The following PCDHAC1 variants were observed in gnomAD, a reference collection of about 807,000 sequenced individuals.
PCDHAC1 encodes the protein protocadherin alpha subfamily C, 1.
Under a neutral mutation model 60.0 loss-of-function variants are expected in PCDHAC1, and 42 were observed. The observed-to-expected ratio is 0.70, with a 90% CI of 0.55 to 0.90. The LOEUF (loss-of-function observed/expected upper bound fraction) is 0.90, where lower values mean the gene tolerates loss of function less well. Among genes scored for constraint, PCDHAC1 ranks in the 40% least tolerant of loss-of-function variants. The probability of loss-of-function intolerance (pLI) is 0.00; values close to 1 mark genes in which losing one functional copy is unlikely to be tolerated. For missense variants in PCDHAC1, 1,160 were observed against 1,222.3 expected (o/e 0.95, Z 0.76); for synonymous variants, 468 against 499.3 (o/e 0.94, Z 0.84).
intron 3 of PCDHAC1, among the ~76,000 whole-genome samples, chr5:141,001,903 A>G (rs2098043091): frequency 6.6e-6 from 1 of 152,190 alleles, no homozygotes; most frequent in African/African-American, 2.4e-5. Flanking sequence ...GGGCTGTTTG[A>G]AAAAGACTGC....
intron 1 of PCDHAC1, chr5:140,966,696 G>A (rs2096039255): frequency 7.4e-7 from 1 of 1,358,662 alleles, no homozygotes. Flanking sequence ...GGCGGGGCCC[G>A]GGCGTGGGGC....
intron 1 of PCDHAC1, among the ~76,000 whole-genome samples, chr5:140,941,319 C>CTT (rs70988781): frequency 9.6e-6 from 1 of 104,394 alleles, no homozygotes; most frequent in African/African-American, 3.7e-5. Flanking sequence ...TCTTCTTTCT[C>CTT]TTTTTTTTTT....
chr5:141,004,708 A>G (rs955852492), intron 3 of PCDHAC1, among the ~76,000 whole-genome samples: 2 of 152,340 alleles, frequency 1.3e-5, no homozygotes, highest in South Asian at 4.1e-4. Flanking sequence ...TAGGTGCCGA[A>G]TCAGAGGTTT....
chr5:140,982,538 G>C lies in PCDHAC1; in HGVS notation c.2556G>C (p.Trp852Cys), dbSNP rs782094765. The change falls in exon 3 of 4, where the codon TGG becomes TGC. Residue 852 changes from tryptophan to cysteine, a missense_variant. Around this residue, in one of 3 missense-constraint regions of PCDHAC1, gnomAD observed 1,113 missense variants for 1,163.7 expected, o/e 0.96. Coordinates refer to ENST00000253807, the MANE Select transcript of PCDHAC1 (RefSeq NM_018898.5). ...GTCCAGGAGGGCCTGATCAGCAGTG[G>C]CCAACAGTATCCAGTGCAACACCAG... ...RAGPGGPDQQ[W>C]PTVSSATPEP... 1 of 1,614,166 alleles carries C rather than the reference G, an allele frequency of 6.2e-7. No individual in the cohort carries two copies.
intron 1 of PCDHAC1, chr5:140,966,941 G>C (rs1554228938): frequency 1.9e-6 from 3 of 1,604,498 alleles, no homozygotes; most frequent in Non-Finnish European, 2.5e-6. Context: ...CGCGCTCGTG[G>C]GCAACGTGGC....
chr5:140,927,706 C>G lies in PCDHAC1; in HGVS notation c.814C>G (p.Leu272Val), dbSNP rs1584519766. The G allele has an allele frequency of 1.2e-6, 2 of 1,614,108 alleles. No homozygotes were observed. Among genetic ancestry groups the G allele is most frequent in the African/African-American group, 2.7e-5 (2 of 74,940 alleles). ...EGSNGEVQYS[L>V]SNSTQAELRH... Reference sequence around the variant, plus strand: ...GTCCAATGGGGAAGTCCAGTACTCCCTAAGCAACAGCACGCAAGCAGAGCT... The same window carrying G: ...GTCCAATGGGGAAGTCCAGTACTCCGTAAGCAACAGCACGCAAGCAGAGCT... Residue 272 changes from leucine to valine, a missense_variant, in exon 1 of 4, where the codon CTA (leucine) becomes GTA (valine). By Grantham distance (32) the Leu-to-Val change is conservative. Around this residue, in one of 3 missense-constraint regions of PCDHAC1, gnomAD observed 1,113 missense variants for 1,163.7 expected, o/e 0.96. Coordinates refer to ENST00000253807, the MANE Select transcript of PCDHAC1 (RefSeq NM_018898.5).
rs562721543 is a variant in PCDHAC1, at chr5:140,968,426, A to G, written c.2434-10523A>G. ...CTTTGTGACTGTGGAGGCTCAGGAC[A>G]AGGGGAGCCCACCACTGAGCAGCAC... On this transcript the variant is annotated intron_variant, in intron 1 of 3. Transcript: ENST00000253807. 135 of 1,614,020 alleles carry G rather than the reference A, an allele frequency of 8.4e-5. 2 individuals carry two copies. In the South Asian group the frequency reaches 1.4e-3, roughly 16 times the overall value.
Position 140,928,252 on chromosome 5 carries a change from G to T in PCDHAC1, c.1360G>T (p.Val454Phe). The T allele has an allele frequency of 6.2e-7, 1 of 1,614,208 alleles. No homozygotes were observed. Among genetic ancestry groups the T allele is most frequent in the Non-Finnish European group, 8.5e-7 (1 of 1,180,044 alleles). ...TCCTCAACCCCAGCAGGAACTTTTCGTTGCTGAAAACAATGGCCCTGGGGC... is the reference window on the plus strand; with the variant it reads ...TCCTCAACCCCAGCAGGAACTTTTCTTTGCTGAAAACAATGGCCCTGGGGC... Reference protein sequence around the residue: ...NFPQPQQELFVAENNGPGASL... With the variant: ...NFPQPQQELFFAENNGPGASL... Residue 454 changes from valine (V) to phenylalanine (F), a missense_variant, in exon 1 of 4, where the codon GTT becomes TTT. This residue lies in a region of PCDHAC1 where 1,113 missense variants were observed against 1,163.7 expected (regional missense o/e 0.96). Coordinates refer to ENST00000253807, the MANE Select transcript of PCDHAC1 (RefSeq NM_018898.5).
chr5:140,947,975 A>C lies in PCDHAC1; in HGVS notation c.2433+18650A>C, dbSNP rs572156919. ...TTTTACAATTAAGTATGTGCTACTC[A>C]TAGGTTTTTCCCAAATACTTTATTA... On this transcript the variant is annotated intron_variant, in intron 1 of 3. Transcript: ENST00000253807. Among the ~76,000 whole-genome samples the C allele has an allele frequency of 2.7e-5, 4 of 150,726 alleles. No individual in the cohort carries two copies. In the East Asian group the frequency reaches 7.8e-4, roughly 29 times the overall value.
At chr5:140,930,582 T>C in intron 1 of PCDHAC1, 1 of 152,540 alleles carries the variant, frequency 6.6e-6, no homozygotes, top group East Asian at 1.9e-4. Flanking sequence ...GTATTACTTT[T>C]TGACTTCTCA....
intron 1 of PCDHAC1, among the ~76,000 whole-genome samples, chr5:140,975,450 G>T (rs1175028711): frequency 6.6e-6 from 1 of 152,174 alleles, no homozygotes. Context: ...AGGGATCTTG[G>T]GGCCATCTTG....
In PCDHAC1 at chr5:140,964,167, C is replaced by T. The variant is rs370784169; in HGVS notation, c.2434-14782C>T. Reference sequence around the variant, plus strand: ...AGCCTCAGTATAATGGTGTGAGGAACGAAATCATTATAGTGCCAAATAGAG... The same window carrying T: ...AGCCTCAGTATAATGGTGTGAGGAATGAAATCATTATAGTGCCAAATAGAG... On this transcript the variant is annotated intron_variant, in intron 1 of 3. Coordinates refer to ENST00000253807, the MANE Select transcript of PCDHAC1 (RefSeq NM_018898.5). Among the ~76,000 whole-genome samples, 16 of 152,250 alleles carry T rather than the reference C, an allele frequency of 1.1e-4. 1 individual carries two copies. The highest frequency in any genetic ancestry group is 3.4e-4 in the African/African-American group (14 of 41,544).
intron 2 of PCDHAC1, among the ~76,000 whole-genome samples, chr5:140,981,637 C>A (rs1229068909): frequency 6.6e-6 from 1 of 152,150 alleles, no homozygotes; most frequent in Non-Finnish European, 1.5e-5. Context: ...TGGACATTTT[C>A]TCTTAGGATC....
rs782070226 is a variant in PCDHAC1 at position 141,010,142 on chromosome 5, C to G, written c.*205C>G. 1 of 1,588,326 alleles carries G rather than the reference C, an allele frequency of 6.3e-7. No homozygotes were observed. Among genetic ancestry groups the G allele is most frequent in the South Asian group, 1.1e-5 (1 of 88,492 alleles). On this transcript the variant is annotated 3_prime_UTR_variant, in exon 4 of 4. Transcript: ENST00000253807. ...TTACTAAGTCTGGTGTTAACTCTTTCTCTCCACTCTGGCTTGTTTTCAGAA... is the reference window on the plus strand; with the variant it reads ...TTACTAAGTCTGGTGTTAACTCTTTGTCTCCACTCTGGCTTGTTTTCAGAA...
chr5:140,954,995 T>C (rs962646761), intron 1 of PCDHAC1, among the ~76,000 whole-genome samples: 2 of 152,222 alleles, frequency 1.3e-5, no homozygotes, highest in African/African-American at 2.4e-5. Context: ...TGCATATGGC[T>C]AGCCAATTCT....
At position 141,009,622 on chromosome 5, in the gene PCDHAC1, T is replaced by C. The variant is rs782517998; in HGVS notation, c.2582-5T>C. On this transcript the variant is annotated splice_region_variant and splice_polypyrimidine_tract_variant and intron_variant, in intron 3 of 3. Coordinates refer to ENST00000253807, the MANE Select transcript of PCDHAC1 (RefSeq NM_018898.5). ...GTTAATGATTTGTAATGTTTTGTCT[T>C]TCAGAACCAGAGGCAGGAGAAGTGT... is the stretch of plus-strand genomic sequence containing the variant. 6.2e-7 allele frequency: 1 copy of C among 1,612,598 alleles called. No homozygotes were observed.
chr5:140,969,401 T>A, intron 1 of PCDHAC1: 1 of 1,579,566 alleles, frequency 6.3e-7, no homozygotes, highest in Non-Finnish European at 8.6e-7. Flanking sequence ...ATCCTGTGAT[T>A]TGGCTTTATT....
At chr5:141,007,019 A>G (rs1230035062) in intron 3 of PCDHAC1, among the ~76,000 whole-genome samples, 1 of 152,192 alleles carries the variant, frequency 6.6e-6, no homozygotes, top group African/African-American at 2.4e-5. Flanking sequence ...CAGCTTATTC[A>G]TATGGTATTT....
chr5:140,975,679 A>G (rs1312259048), intron 1 of PCDHAC1, among the ~76,000 whole-genome samples: 1 of 152,250 alleles, frequency 6.6e-6, no homozygotes, highest in Non-Finnish European at 1.5e-5. Context: ...TATTAATAAA[A>G]TAGGGTATTT....
Sources: gnomAD v4.1 joint callset for allele counts (sites outside exome capture counted in the v4.1 genomes callset) on GRCh38, gnomAD v4.1.1 for gene constraint, gnomAD v4.1.1 regional missense constraint, MANE v1.5 for transcripts, NCBI Gene and HGNC (gene_info 2026-07-23, HGNC 2026-07-21) for gene names.